The following TTC5 variants were observed in gnomAD, a reference collection of about 807,000 sequenced individuals.
TTC5 encodes the protein tetratricopeptide repeat protein 5.
TTC5 carries 46 observed loss-of-function variants against 57.4 expected under a neutral mutation model. The observed-to-expected ratio is 0.80, with a 90% CI of 0.63 to 1.03. The LOEUF (loss-of-function observed/expected upper bound fraction) is 1.03, where lower values mean the gene tolerates loss of function less well. Among genes scored for constraint, TTC5 ranks in the 50% least tolerant of loss-of-function variants. The pLI is 0.00. For synonymous variants in TTC5, 190 were observed against 203.5 expected, an observed-to-expected ratio of 0.93 and a Z score of 0.57; for missense variants, 504 against 528.1, an observed-to-expected ratio of 0.95 and a Z score of 0.45.
At chr14:20,305,106 T>C (rs1040943396) in intron 1 of TTC5, among the ~76,000 whole-genome samples, 3 of 152,188 alleles carry the variant, frequency 2.0e-5, no homozygotes, top group African/African-American at 7.2e-5. Context: ...CCAAATCAGC[T>C]GGAACACTCT....
chr14:20,291,906 A>T, intron 9 of TTC5, 77 bp downstream of exon 9: 3 of 1,272,832 alleles, frequency 2.4e-6, no homozygotes, highest in Middle Eastern at 2.2e-4. Context: ...AATTATTTCT[A>T]TATCTTTTAT....
In TTC5 at chr14:20,287,795, CT is replaced by C. The variant is rs1168959076; in HGVS notation, c.*1831del. The C allele has an allele frequency of 6.6e-6, 1 of 152,208 alleles. No individual in the cohort carries two copies. The highest frequency in any genetic ancestry group is 1.5e-5 in the Non-Finnish European group (1 of 68,054). The allele number at this position is 152,208 out of a possible 1,614,324, so 9.4% of individuals were successfully genotyped here. A position where few individuals can be genotyped will look rare whatever the true frequency, so the allele number is the denominator to read the frequency against. ...CTGCCTCAAATGTTTACACATACTA[CT>C]ACCCCCATCTTCCCTAGTTGCTTTC... On this transcript the variant is annotated 3_prime_UTR_variant, in exon 10 of 10. Coordinates refer to ENST00000258821, the MANE Select transcript of TTC5 (RefSeq NM_138376.3).
chr14:20,299,412 C>T lies in TTC5; in HGVS notation c.433G>A (p.Val145Met), dbSNP rs769950183. The T allele has an allele frequency of 8.1e-6, 13 of 1,614,068 alleles. No homozygotes were observed. In the South Asian group the frequency reaches 1.2e-4, roughly 15 times the overall value. ...GTGTCAGTCCGCAGCTGACGAAGCA[C>T]CATTGACAGGTTTTGCAAGGAGACT... ...NKVSLQNLSM[V>M]LRQLRTDTED... Residue 145 changes from valine (V) to methionine (M), a missense_variant, in exon 4 of 10, where the codon GTG becomes ATG. Transcript: ENST00000258821.
chr14:20,291,895 T>C (rs918485048), intron 9 of TTC5, 88 bp downstream of exon 9: 73 of 1,217,442 alleles, frequency 6.0e-5, no homozygotes, highest in Non-Finnish European at 7.0e-5. Flanking sequence ...TACTTACATA[T>C]AATTATTTCT....
intron 4 of TTC5, 130 bp from the exon 5 acceptor site, chr14:20,299,018 T>C: frequency 1.3e-6 from 1 of 784,576 alleles, no homozygotes; most frequent in Non-Finnish European, 2.1e-6. Flanking sequence ...CGATACTTAG[T>C]ATACCCAAAA....
rs532403992 is a variant in TTC5, at chr14:20,287,186, A to C, written c.*2441T>G. On this transcript the variant is annotated 3_prime_UTR_variant, in exon 10 of 10. Transcript: ENST00000258821. Reference sequence around the variant, plus strand: ...TCAAATTTTACTGTGCATCAGAGTCACCTGGAGGGTTTGCGAAACACAGAT... The same window carrying C: ...TCAAATTTTACTGTGCATCAGAGTCCCCTGGAGGGTTTGCGAAACACAGAT... The C allele has an allele frequency of 6.2e-4, 95 of 152,298 alleles. No individual in the cohort carries two copies. The highest frequency in any genetic ancestry group is 2.2e-3 in the African/African-American group (90 of 41,536). 9.4% of individuals were successfully genotyped at this position (152,298 alleles called of 1,614,324 possible).
intron 9 of TTC5, among the ~76,000 whole-genome samples, chr14:20,291,725 T>C (rs1229288706): frequency 2.0e-5 from 3 of 152,120 alleles, no homozygotes; most frequent in Admixed American, 2.0e-4. Context: ...CACCAAACTG[T>C]TAACAGTAAC....
intron 2 of TTC5, 110 bp downstream of exon 2, chr14:20,301,723 A>T: frequency 7.1e-7 from 1 of 1,399,074 alleles, no homozygotes; most frequent in Non-Finnish European, 9.8e-7. Context: ...ATTACGTTGT[A>T]CTACCCTATA....
Position 20,296,373 on chromosome 14 carries a change from C to T in TTC5, c.696+17G>A, listed in dbSNP as rs114554173. 47 of 1,605,444 alleles carry T rather than the reference C, an allele frequency of 2.9e-5. No individual in the cohort carries two copies. In the African/African-American group the frequency reaches 4.4e-4, roughly 15 times the overall value. On this transcript the variant is annotated intron_variant, in intron 6 of 9. Transcript: ENST00000258821. ...TATTTATTTGACCCTCAGATGACTACACCCCAAAGGTCTTACCGTCGCCCT... is the reference window on the plus strand; with the variant it reads ...TATTTATTTGACCCTCAGATGACTATACCCCAAAGGTCTTACCGTCGCCCT...
In TTC5 at chr14:20,286,773, T is replaced by TA. The variant is rs1370369193; in HGVS notation, c.*2853_*2854insT. 1.3e-5 allele frequency: 2 copies of TA among 151,136 alleles called. No homozygotes were observed. Among genetic ancestry groups the TA allele is most frequent in the Non-Finnish European group, 2.9e-5 (2 of 67,818 alleles). 9.4% of individuals were successfully genotyped at this position (151,136 alleles called of 1,614,324 possible). A position where few individuals can be genotyped will look rare whatever the true frequency, so the allele number is the denominator to read the frequency against. The stretch of plus-strand genomic sequence containing the variant: ...AAAAAAAAAACAGGATAAAACTGTA[T>TA]GTAGACAAACGATTAGTACAGGGAA... On this transcript the variant is annotated 3_prime_UTR_variant, in exon 10 of 10. Coordinates refer to ENST00000258821, the MANE Select transcript of TTC5 (RefSeq NM_138376.3).
At chr14:20,292,167 A>G in intron 8 of TTC5, 40 bp from the exon 9 acceptor site, 1 of 1,428,648 alleles carries the variant, frequency 7.0e-7, no homozygotes. Context: ...GAAAACAAAA[A>G]GGTATGTGGG....
In TTC5 at chr14:20,288,826, ACTCT is replaced by A. The variant is rs1881893459; in HGVS notation, c.*797_*800del. ...TCTAAAGAAACTGAGGATTTATCTA[ACTCT>A]CTCTGGTCCTTCAGCCTAGTAACAC... On this transcript the variant is annotated 3_prime_UTR_variant, in exon 10 of 10. Coordinates refer to ENST00000258821, the MANE Select transcript of TTC5 (RefSeq NM_138376.3). 6.6e-6 allele frequency: 1 copy of A among 152,146 alleles called. No homozygotes were observed. The highest frequency in any genetic ancestry group is 2.1e-4 in the South Asian group (1 of 4,826). 9.4% of individuals were successfully genotyped at this position (152,146 alleles called of 1,614,324 possible).
At position 20,300,752 on chromosome 14, in the gene TTC5, T is replaced by C. The variant is rs1882172777; in HGVS notation, c.251A>G (p.Tyr84Cys). The change falls in exon 3 of 10, where the codon TAT becomes TGT. Residue 84 changes from tyrosine (Y) to cysteine (C), a missense_variant. Tyr to Cys is a radical substitution (Grantham distance 194). Coordinates refer to ENST00000258821, the MANE Select transcript of TTC5 (RefSeq NM_138376.3). ...TGKALNVTPD[Y>C]SPKAEELLSK... ...CAGAAGCTCCTCAGCCTTAGGGCTA[T>C]AGTCAGGAGTCACATTTAGTGCTTT... 1.2e-6 allele frequency: 2 copies of C among 1,614,076 alleles called. No homozygotes were observed. Among genetic ancestry groups the C allele is most frequent in the Non-Finnish European group, 1.7e-6 (2 of 1,180,046 alleles).
Position 20,295,739 on chromosome 14 carries a change from A to G in TTC5, c.812T>C (p.Leu271Pro). Residue 271 changes from leucine (L) to proline (P), a missense_variant, in exon 7 of 10, where the codon CTG becomes CCG. Coordinates refer to ENST00000258821, the MANE Select transcript of TTC5 (RefSeq NM_138376.3). ...RQREQQLLEF[L>P]DRLTSLLESK... ...CTCAAGGAGGCTGGTTAATCTATCCAGGAATTCCAGAAGTTGTTGCTCTCG... is the reference window on the plus strand; with the variant it reads ...CTCAAGGAGGCTGGTTAATCTATCCGGGAATTCCAGAAGTTGTTGCTCTCG... 1 of 1,613,478 alleles carries G rather than the reference A, an allele frequency of 6.2e-7. No homozygotes were observed. Among genetic ancestry groups the G allele is most frequent in the Non-Finnish European group, 8.5e-7 (1 of 1,179,932 alleles).
intron 1 of TTC5, among the ~76,000 whole-genome samples, chr14:20,304,851 A>G (rs973826019): frequency 6.6e-6 from 1 of 152,172 alleles, no homozygotes; most frequent in Non-Finnish European, 1.5e-5. Context: ...GTTTTTAGAA[A>G]CTTATTTTTT....
At chr14:20,290,000 A>C (rs944900835) in intron 9 of TTC5, among the ~76,000 whole-genome samples, 8 of 152,206 alleles carry the variant, frequency 5.3e-5, no homozygotes, top group Admixed American at 1.3e-4. Context: ...TCTTTGATCC[A>C]AAAAAGGCAG....
chr14:20,305,847 A>C, intron 1 of TTC5, 40 bp downstream of exon 1: 1 of 1,598,448 alleles, frequency 6.3e-7, no homozygotes, highest in African/African-American at 1.3e-5. Flanking sequence ...CTTCATTCGG[A>C]GTAACAAAAA....
Position 20,300,604 on chromosome 14 carries a change from C to T in TTC5, c.396+3G>A, listed in dbSNP as rs867828836. 6.2e-7 allele frequency: 1 copy of T among 1,609,318 alleles called. No individual in the cohort carries two copies. Among genetic ancestry groups the T allele is most frequent in the Non-Finnish European group, 8.5e-7 (1 of 1,179,252 alleles). On this transcript the variant is annotated splice_donor_region_variant and intron_variant, in intron 3 of 9. Coordinates refer to ENST00000258821, the MANE Select transcript of TTC5 (RefSeq NM_138376.3). ...CTTTCCAAAGGGATAGGGGGCAGCTCACATGGGTGAGGGCTCCTGAGAAGC... is the reference window on the plus strand; with the variant it reads ...CTTTCCAAAGGGATAGGGGGCAGCTTACATGGGTGAGGGCTCCTGAGAAGC...
rs994561857 is a variant in TTC5, at chr14:20,287,020, G to A, written c.*2607C>T. 1 of 152,146 alleles carries A rather than the reference G, an allele frequency of 6.6e-6. No homozygotes were observed. Among genetic ancestry groups the A allele is most frequent in the Non-Finnish European group, 1.5e-5 (1 of 68,026 alleles). 9.4% of individuals were successfully genotyped at this position (152,146 alleles called of 1,614,324 possible). A position where few individuals can be genotyped will look rare whatever the true frequency, so the allele number is the denominator to read the frequency against. Reference sequence around the variant, plus strand: ...CACAGAAGAGGATGGGGAGCATTGGGGTGACTCATCTATTGATAGTAGAGA... The same window carrying A: ...CACAGAAGAGGATGGGGAGCATTGGAGTGACTCATCTATTGATAGTAGAGA... On this transcript the variant is annotated 3_prime_UTR_variant, in exon 10 of 10. Coordinates refer to ENST00000258821, the MANE Select transcript of TTC5 (RefSeq NM_138376.3).
Sources: allele counts gnomAD v4.1 joint callset (sites outside exome capture counted in the v4.1 genomes callset), GRCh38; gene constraint gnomAD v4.1.1; transcripts MANE v1.5; gene names NCBI Gene and HGNC (gene_info 2026-07-23, HGNC 2026-07-21).